PRKCG: variants seen among roughly 807,000 people sequenced by gnomAD.
PRKCG encodes protein kinase C gamma type.
PRKCG carries 28 observed loss-of-function variants against 82.0 expected under a neutral mutation model. The observed-to-expected ratio is 0.34, with a 90% CI of 0.25 to 0.47. The LOEUF is 0.47. Ranked by LOEUF, PRKCG falls within the 20% of genes least tolerant of loss-of-function variation. The probability of loss-of-function intolerance (pLI) is 1.00; values close to 1 mark genes in which losing one functional copy is unlikely to be tolerated. For missense variants in PRKCG, 640 were observed against 952.7 expected, an observed-to-expected ratio of 0.67 and a Z score of 4.32; for synonymous variants, 383 against 376.6, an observed-to-expected ratio of 1.02 and a Z score of -0.20.
chr19:53,888,183 A>T (rs2068646196), intron 3 of PRKCG, among the ~76,000 whole-genome samples: 1 of 152,160 alleles, frequency 6.6e-6, no homozygotes, highest in South Asian at 2.1e-4. Context: ...GGGTCAGCGG[A>T]GATATTTAGA....
At chr19:53,891,592 C>T (rs2068676689) in intron 5 of PRKCG, 82 bp from the exon 6 acceptor site, 1 of 1,562,654 alleles carries the variant, frequency 6.4e-7, no homozygotes, top group East Asian at 2.3e-5. Context: ...AAGCTTGGAA[C>T]TCTTGATTGC....
chr19:53,895,855 C>T (rs1055072630), intron 9 of PRKCG, among the ~76,000 whole-genome samples: 3 of 151,992 alleles, frequency 2.0e-5, no homozygotes, highest in Admixed American at 1.3e-4. Context: ...GTCAGGAGAT[C>T]GAGACCATCC....
intron 9 of PRKCG, among the ~76,000 whole-genome samples, chr19:53,896,374 C>CTGA (rs896761737): frequency 5.5e-5 from 6 of 109,972 alleles, no homozygotes; most frequent in Non-Finnish European, 9.2e-5. Context: ...AGAAACAGCC[C>CTGA]TGATTATTAT....
At chr19:53,893,152 T>C (rs1331899172) in intron 8 of PRKCG, 77 bp downstream of exon 8, 5 of 1,376,362 alleles carry the variant, frequency 3.6e-6, no homozygotes, top group Non-Finnish European at 5.1e-6. Context: ...CTTCCACCCC[T>C]GAGTGCCCGC....
chr19:53,892,475 G>A lies in PRKCG; in HGVS notation c.687-34G>A, dbSNP rs1455535374. 12 of 1,601,100 alleles carry A rather than the reference G, an allele frequency of 7.5e-6. No homozygotes were observed. In the East Asian group the frequency reaches 1.3e-4, roughly 18 times the overall value. ...GGGAACCGAGGGGAGCCATGAGCTC[G>A]GCTCTGCACCCCATCCACCCCACCT... On this transcript the variant is annotated intron_variant, in intron 6 of 17. Coordinates refer to ENST00000263431, the MANE Select transcript of PRKCG (RefSeq NM_002739.5). The surrounding 1 kb of genome is among the most constrained non-coding windows in gnomAD (Gnocchi z 5.9).
At chr19:53,885,991 G>A (rs1404735164) in intron 3 of PRKCG, among the ~76,000 whole-genome samples, 1 of 150,818 alleles carries the variant, frequency 6.6e-6, no homozygotes, top group African/African-American at 2.4e-5. Context: ...GAACCTGAGC[G>A]GCAGAGGTTG....
At chr19:53,906,073 C>T (rs1300987591) in intron 16 of PRKCG, among the ~76,000 whole-genome samples, 3 of 81,640 alleles carry the variant, frequency 3.7e-5, no homozygotes, top group Admixed American at 1.2e-4. Context: ...CCTCCTCCTC[C>T]TCCTCCTCCT....
chr19:53,901,083 G>C (rs1035514400), intron 14 of PRKCG, among the ~76,000 whole-genome samples: 2 of 152,196 alleles, frequency 1.3e-5, no homozygotes, highest in African/African-American at 4.8e-5. Flanking sequence ...ACTCTGAGTG[G>C]GTGTGGCCTG....
chr19:53,898,363 C>A, intron 10 of PRKCG, 77 bp from the exon 11 acceptor site: 1 of 1,557,276 alleles, frequency 6.4e-7, no homozygotes, highest in Non-Finnish European at 8.9e-7. Context: ...CGTTTCCCTG[C>A]GTCCCTTAGG....
Position 53,882,923 on chromosome 19 carries a change from G to A in PRKCG, c.171-240G>A, listed in dbSNP as rs1480712101. ...TGGGTCTGAGGGAGGAAGGGCCTGG[G>A]GGGCTGGGAGCCTGGATTCCTGGGT... On this transcript the variant is annotated intron_variant, in intron 1 of 17. Transcript: ENST00000263431. The surrounding 1 kb of genome is among the most constrained non-coding windows in gnomAD (Gnocchi z 6.1). 1.3e-5 allele frequency among the ~76,000 whole-genome samples: 2 copies of A among 152,068 alleles called. No homozygotes were observed. The highest frequency in any genetic ancestry group is 2.4e-5 in the African/African-American group (1 of 41,410).
At chr19:53,890,629 T>G (rs1169567434) in intron 5 of PRKCG, among the ~76,000 whole-genome samples, 1 of 151,562 alleles carries the variant, frequency 6.6e-6, no homozygotes, top group African/African-American at 2.4e-5. Flanking sequence ...TCACCCAGGC[T>G]GGAGTGCAGT....
Position 53,907,127 on chromosome 19 carries a change from C to A in PRKCG, c.*232C>A. ...AGACTTGAGCGGAGCCCGATATTCT[C>A]CCTGACCTTAGCGTTCTGGACTCTG... On this transcript the variant is annotated 3_prime_UTR_variant, in exon 18 of 18. Transcript: ENST00000263431. 1 of 989,820 alleles carries A rather than the reference C, an allele frequency of 1.0e-6. No homozygotes were observed. Among genetic ancestry groups the A allele is most frequent in the Non-Finnish European group, 1.5e-6 (1 of 687,656 alleles). The allele number at this position is 989,820 out of a possible 1,614,324, so 61.3% of individuals were successfully genotyped here. A position where few individuals can be genotyped will look rare whatever the true frequency, so the allele number is the denominator to read the frequency against.
At position 53,900,591 on chromosome 19, in the gene PRKCG, C is replaced by T. The variant is rs761065866; in HGVS notation, c.1437-20C>T. The T allele has an allele frequency of 1.2e-5, 19 of 1,614,106 alleles. No individual in the cohort carries two copies. The Admixed American group carries it at 2.8e-4, about 24-fold the overall frequency. ...TCAACACTTCTTGCAATTCCTGCCC[C>T]ACACCCCTGCATCGTCCAGGGACCT... On this transcript the variant is annotated intron_variant, in intron 13 of 17. Transcript: ENST00000263431. The surrounding 1 kb of genome is among the most constrained non-coding windows in gnomAD (Gnocchi z 4.2).
At chr19:53,891,227 G>C (rs139048433) in intron 5 of PRKCG, among the ~76,000 whole-genome samples, 2 of 151,992 alleles carry the variant, frequency 1.3e-5, no homozygotes, top group Non-Finnish European at 2.9e-5. Context: ...CTGTCTTCTG[G>C]GTTCTGGAGA....
chr19:53,906,089 T>TTCC (rs1491553393), intron 16 of PRKCG, among the ~76,000 whole-genome samples: 13 of 80,108 alleles, frequency 1.6e-4, no homozygotes, highest in African/African-American at 1.2e-3. Context: ...CTCCTCCTTC[T>TTCC]TCTTCTTCTT....
At position 53,900,153 on chromosome 19, in the gene PRKCG, CTG is replaced by C; in HGVS notation, c.1282-78_1282-77del. On this transcript the variant is annotated intron_variant, in intron 11 of 17. Transcript: ENST00000263431. The surrounding 1 kb of genome is among the most constrained non-coding windows in gnomAD (Gnocchi z 4.2). ...TGGGTGCATCTGGAACCTTCCACGT[CTG>C]TCCTGAGTGATCAGGAAAGAAATTC... 1 of 1,362,148 alleles carries C rather than the reference CTG, an allele frequency of 7.3e-7. No homozygotes were observed. Among genetic ancestry groups the C allele is most frequent in the South Asian group, 1.2e-5 (1 of 85,898 alleles). 84.4% of individuals were successfully genotyped at this position (1,362,148 alleles called of 1,614,324 possible). A position where few individuals can be genotyped will look rare whatever the true frequency, so the allele number is the denominator to read the frequency against.
At chr19:53,899,372 G>C (rs1032077969) in intron 11 of PRKCG, among the ~76,000 whole-genome samples, 1 of 152,188 alleles carries the variant, frequency 6.6e-6, no homozygotes, top group Non-Finnish European at 1.5e-5. Flanking sequence ...CTTCCTAGTG[G>C]GCCTGCCCAG....
chr19:53,905,025 G>A lies in PRKCG; in HGVS notation c.1764+283G>A, dbSNP rs542638195. On this transcript the variant is annotated intron_variant, in intron 16 of 17. Transcript: ENST00000263431. ...CAGGGTGTCTGTCTGTCTAGAACTG[G>A]GTGGGTCAGGTAAACCCAACTTCTG... Among the ~76,000 whole-genome samples, 12 of 152,228 alleles carry A rather than the reference G, an allele frequency of 7.9e-5. No homozygotes were observed. The East Asian group carries it at 1.9e-3, about 25-fold the overall frequency.
rs768428242 is a variant in PRKCG, at chr19:53,884,275, G to A, written c.285+32G>A. 8 of 1,603,634 alleles carry A rather than the reference G, an allele frequency of 5.0e-6. No homozygotes were observed. The highest frequency in any genetic ancestry group is 3.3e-5 in the Admixed American group (2 of 59,974). ...GCTCGGACACCTGGTTCTCCTCCTCGGGCCGTGCCCCCGCCCTCACCCCCT... is the reference window on the plus strand; with the variant it reads ...GCTCGGACACCTGGTTCTCCTCCTCAGGCCGTGCCCCCGCCCTCACCCCCT... On this transcript the variant is annotated intron_variant, in intron 3 of 17. Transcript: ENST00000263431. This position sits in a 1 kb window ranked among gnomAD's most constrained non-coding sequence, Gnocchi z 4.6.
Sources: allele counts gnomAD v4.1 joint callset (sites outside exome capture counted in the v4.1 genomes callset), GRCh38; gene constraint gnomAD v4.1.1; non-coding constraint Gnocchi (gnomAD v3.1); transcripts MANE v1.5; gene names NCBI Gene and HGNC (gene_info 2026-07-23, HGNC 2026-07-21).